Variants in WDR7 observed in about 807,000 individuals in gnomAD.
The protein encoded by WDR7 is WD repeat domain 7.
WDR7 carries 46 observed loss-of-function variants against 169.4 expected under a neutral mutation model. The ratio of observed to expected loss-of-function variants is 0.27; its 90% CI spans 0.21 to 0.35. WDR7 has a LOEUF of 0.35. Among genes scored for constraint, WDR7 ranks in the 10% least tolerant of loss-of-function variants. WDR7 has a pLI of 1.00. For synonymous variants in WDR7, 612 were observed against 666.8 expected (o/e 0.92, Z 1.27); for missense variants, 1,534 against 1,859.3 (o/e 0.83, Z 3.22).
intron 14 of WDR7, chr18:56,753,222 A>T (rs959377784): frequency 6.6e-6 from 1 of 152,342 alleles, no homozygotes; most frequent in African/African-American, 2.4e-5. Flanking sequence ...TTCCTAAAAA[A>T]ATTTTAAGGC....
Position 57,027,389 on chromosome 18 carries a change from G to T in WDR7, c.*182G>T. Reference sequence around the variant, plus strand: ...GGGGCAGAACCCGCTCGTGCCATCTGTCGATTCAGAGGCACGCACACATGC... The same window carrying T: ...GGGGCAGAACCCGCTCGTGCCATCTTTCGATTCAGAGGCACGCACACATGC... On this transcript the variant is annotated 3_prime_UTR_variant, in exon 28 of 28. Coordinates refer to ENST00000254442, the MANE Select transcript of WDR7 (RefSeq NM_015285.3). 1.4e-6 allele frequency: 1 copy of T among 719,708 alleles called. No individual in the cohort carries two copies. The highest frequency in any genetic ancestry group is 2.2e-6 in the Non-Finnish European group (1 of 445,356). 44.6% of individuals were successfully genotyped at this position (719,708 alleles called of 1,614,324 possible). A position where few individuals can be genotyped will look rare whatever the true frequency, so the allele number is the denominator to read the frequency against.
At chr18:56,817,343 CA>C (rs79929553) in intron 20 of WDR7, among the ~76,000 whole-genome samples, 238 of 70,622 alleles carry the variant, frequency 3.4e-3, no homozygotes, top group Middle Eastern at 9.4e-3. Context: ...GACTCTGTCT[CA>C]AAAAAAAAAA....
intron 20 of WDR7, among the ~76,000 whole-genome samples, chr18:56,828,707 C>A (rs2045255880): frequency 6.6e-6 from 1 of 152,150 alleles, no homozygotes; most frequent in Non-Finnish European, 1.5e-5. Context: ...GGTTTGTCAT[C>A]AGCTCAGTTT....
intron 26 of WDR7, among the ~76,000 whole-genome samples, chr18:56,991,610 C>A (rs2047820307): frequency 6.6e-6 from 1 of 152,170 alleles, no homozygotes; most frequent in Non-Finnish European, 1.5e-5. Context: ...ATGGACAACA[C>A]TGAGCCTGTG....
intron 19 of WDR7, among the ~76,000 whole-genome samples, chr18:56,813,270 T>C (rs1330187057): frequency 6.6e-6 from 1 of 152,072 alleles, no homozygotes; most frequent in African/African-American, 2.4e-5. Context: ...GTGTGTATTT[T>C]CTTGCTTTGT....
In WDR7 at chr18:56,723,616, C is replaced by T. The variant is rs74254798; in HGVS notation, c.1774+5457C>T. On this transcript the variant is annotated intron_variant, in intron 13 of 27. Transcript: ENST00000254442. ...TATATAACATTTCTTTTCTCTGGCTCCTTTTAAATTTTTTCCTTAATTACT... is the reference window on the plus strand; with the variant it reads ...TATATAACATTTCTTTTCTCTGGCTTCTTTTAAATTTTTTCCTTAATTACT... Among the ~76,000 whole-genome samples the T allele has an allele frequency of 2.7e-3, 412 of 152,036 alleles. 3 individuals carry two copies. In the East Asian group the frequency reaches 0.036, roughly 13 times the overall value.
intron 14 of WDR7, among the ~76,000 whole-genome samples, chr18:56,740,763 CA>C (rs1478588242): frequency 6.6e-6 from 1 of 152,146 alleles, no homozygotes; most frequent in Non-Finnish European, 1.5e-5. Context: ...AGAACCCTGC[CA>C]AAAACTCCAT....
chr18:56,986,501 A>G (rs1425483013), intron 26 of WDR7, among the ~76,000 whole-genome samples: 1 of 152,146 alleles, frequency 6.6e-6, no homozygotes, highest in Non-Finnish European at 1.5e-5. Flanking sequence ...TGCTTTTAAA[A>G]ATGTCAAACC....
intron 5 of WDR7, among the ~76,000 whole-genome samples, chr18:56,685,640 G>T (rs2025429025): frequency 6.6e-6 from 1 of 152,122 alleles, no homozygotes; most frequent in African/African-American, 2.4e-5. Context: ...AGAATTAGAA[G>T]TTGTAAATTT....
chr18:56,894,024 C>G (rs1183994793), intron 21 of WDR7, among the ~76,000 whole-genome samples: 3 of 152,042 alleles, frequency 2.0e-5, no homozygotes, highest in Non-Finnish European at 4.4e-5. Flanking sequence ...TTCATTTTTT[C>G]CAGTTTCTTA....
rs62101662 is a variant in WDR7, at chr18:56,661,448, T to C, written c.-20+9872T>C. On this transcript the variant is annotated intron_variant, in intron 1 of 27. Transcript: ENST00000254442. ...TCTATGAATCACTTTTAAAATGTGA[T>C]TTATTTTTGACCAGATAGTTCTGCA... Among the ~76,000 whole-genome samples, 919 of 152,340 alleles carry C rather than the reference T, an allele frequency of 6.0e-3. 6 individuals are homozygous for C. Among genetic ancestry groups the C allele is most frequent in the Non-Finnish European group, 0.011 (725 of 68,024 alleles).
chr18:56,877,493 G>A (rs930478288), intron 20 of WDR7, among the ~76,000 whole-genome samples: 10 of 152,084 alleles, frequency 6.6e-5, no homozygotes, highest in African/African-American at 1.2e-4. Context: ...GAGAGTGAAC[G>A]TTACTTAACT....
chr18:57,032,863 T>G (rs1256984180), downstream of WDR7: 1 of 136,770 alleles, frequency 7.3e-6, no homozygotes, highest in Non-Finnish European at 1.6e-5. Context: ...ATAATAGAAA[T>G]AATGTGCACA....
intron 26 of WDR7, among the ~76,000 whole-genome samples, chr18:57,008,503 C>T (rs1288889597): frequency 2.6e-5 from 4 of 152,192 alleles, no homozygotes; most frequent in African/African-American, 7.2e-5. Context: ...CCCTGGTGCT[C>T]CCCTAGGCAG....
At chr18:56,842,694 C>G (rs779720201) in intron 20 of WDR7, among the ~76,000 whole-genome samples, 11 of 152,182 alleles carry the variant, frequency 7.2e-5, no homozygotes, top group Non-Finnish European at 1.5e-4. Flanking sequence ...TGTTTTCTCT[C>G]TTACACACAC....
chr18:56,911,295 A>T (rs1355804751), intron 21 of WDR7, among the ~76,000 whole-genome samples: 2 of 152,160 alleles, frequency 1.3e-5, no homozygotes, highest in African/African-American at 2.4e-5. Flanking sequence ...CTAACAACTC[A>T]TTAGCTTAGT....
intron 20 of WDR7, among the ~76,000 whole-genome samples, chr18:56,831,750 C>T (rs2045312197): frequency 6.6e-6 from 1 of 152,092 alleles, no homozygotes; most frequent in Admixed American, 6.6e-5. Flanking sequence ...AACTCCCTCC[C>T]CTAACCAAAG....
chr18:56,772,501 T>C (rs2044180099), intron 16 of WDR7, among the ~76,000 whole-genome samples: 1 of 151,976 alleles, frequency 6.6e-6, no homozygotes. Context: ...TTAGAAGAAA[T>C]AGGTACACAG....
chr18:56,814,705 G>T (rs778005671), intron 19 of WDR7, among the ~76,000 whole-genome samples: 1 of 151,726 alleles, frequency 6.6e-6, no homozygotes, highest in Non-Finnish European at 1.5e-5. Context: ...TATTACCTGC[G>T]TAATGAAATA....
Sources: allele counts gnomAD v4.1 joint callset (sites outside exome capture counted in the v4.1 genomes callset), GRCh38; gene constraint gnomAD v4.1.1; transcripts MANE v1.5; gene names NCBI Gene and HGNC (gene_info 2026-07-23, HGNC 2026-07-21).